Variants in MICAL3 observed in about 807,000 individuals in gnomAD.
MICAL3 encodes [F-actin]-monooxygenase MICAL3.
MICAL3 carries 62 observed loss-of-function variants against 207.4 expected under a neutral mutation model. That is an observed-to-expected ratio of 0.30 (90% confidence interval 0.24 to 0.37). The LOEUF (loss-of-function observed/expected upper bound fraction) is 0.37. Among genes scored for constraint, MICAL3 ranks in the 10% least tolerant of loss-of-function variants. The probability of loss-of-function intolerance (pLI) is 1.00; values close to 1 mark genes in which losing one functional copy is unlikely to be tolerated. For synonymous variants in MICAL3, 1,077 were observed against 1,069.3 expected (o/e 1.01, Z -0.14); for missense variants, 2,368 against 2,635.6 (o/e 0.90, Z 2.22).
intron 1 of MICAL3, among the ~76,000 whole-genome samples, chr22:17,988,453 T>A (rs1166131514): frequency 6.6e-6 from 1 of 152,150 alleles, no homozygotes; most frequent in African/African-American, 2.4e-5. Context: ...ATTTCTGGGT[T>A]TTTTTTGGTT....
chr22:17,878,646 G>A (rs1288595292), intron 16 of MICAL3, among the ~76,000 whole-genome samples: 1 of 152,174 alleles, frequency 6.6e-6, no homozygotes, highest in African/African-American at 2.4e-5. Context: ...TAGCTGCAGA[G>A]CTGTACCCAC....
Position 17,885,864 on chromosome 22 carries a change from C to A in MICAL3, c.2241+14G>T, listed in dbSNP as rs372573522. On this transcript the variant is annotated intron_variant, in intron 16 of 31. Transcript: ENST00000441493. ...TGACCAAATCGGTGTGGGCAGGGCA[C>A]GGGTTGGGTTTACCTGTCTCCGTAT... 6 of 1,613,102 alleles carry A rather than the reference C, an allele frequency of 3.7e-6. No individual in the cohort carries two copies. In the Admixed American group the frequency reaches 6.7e-5, roughly 18 times the overall value.
At chr22:17,811,875 G>A (rs992431670) in intron 27 of MICAL3, among the ~76,000 whole-genome samples, 1 of 152,158 alleles carries the variant, frequency 6.6e-6, no homozygotes, top group Non-Finnish European at 1.5e-5. Flanking sequence ...CTCCCGAGTA[G>A]TCAGGACTAT....
chr22:17,846,912 C>G (rs747868041), intron 19 of MICAL3, among the ~76,000 whole-genome samples: 1 of 152,184 alleles, frequency 6.6e-6, no homozygotes, highest in African/African-American at 2.4e-5. Flanking sequence ...GGCTCTGGGC[C>G]GCACCTCAGG....
chr22:17,810,253 G>C (rs560606034), intron 28 of MICAL3, among the ~76,000 whole-genome samples: 2 of 149,256 alleles, frequency 1.3e-5, no homozygotes, highest in Non-Finnish European at 3.0e-5. Context: ...TAGTAGAGAC[G>C]GGGGTTTCAC....
At chr22:17,976,561 G>GTGTGTATATA (rs1392364468) in intron 1 of MICAL3, among the ~76,000 whole-genome samples, 1 of 80,080 alleles carries the variant, frequency 1.2e-5, no homozygotes, top group African/African-American at 5.8e-5. Flanking sequence ...GTGTGTGTGT[G>GTGTGTATATA]TATATATATA....
chr22:17,892,202 C>T (rs115994154), intron 11 of MICAL3, among the ~76,000 whole-genome samples: 1,956 of 152,312 alleles, frequency 0.013, 48 homozygotes, highest in African/African-American at 0.043. Context: ...CCAGACAGTC[C>T]CCGAACAGAG....
Position 17,793,824 on chromosome 22 carries a change from G to C in MICAL3, c.5651-2523C>G, listed in dbSNP as rs1228416593. On this transcript the variant is annotated intron_variant, in intron 29 of 31. Transcript: ENST00000441493. This position sits in a 1 kb window ranked among gnomAD's most constrained non-coding sequence, Gnocchi z 4.1. ...AAAAGGGACCAAGCAAGGAAGAGGAGGAGACGGAGAAAGACAAAAAAGGAA... is the reference window on the plus strand; with the variant it reads ...AAAAGGGACCAAGCAAGGAAGAGGACGAGACGGAGAAAGACAAAAAAGGAA... The C allele has an allele frequency of 6.6e-6, 1 of 152,390 alleles. No homozygotes were observed. Among genetic ancestry groups the C allele is most frequent in the Admixed American group, 6.6e-5 (1 of 15,254 alleles). 9.4% of individuals were successfully genotyped at this position (152,390 alleles called of 1,614,324 possible).
chr22:17,937,144 C>G (rs1311801899), intron 1 of MICAL3, among the ~76,000 whole-genome samples: 1 of 152,232 alleles, frequency 6.6e-6, no homozygotes, highest in African/African-American at 2.4e-5. Context: ...TCCTGAGTCG[C>G]ACAGCAAGCT....
At chr22:17,952,932 C>T (rs1465994017) in intron 1 of MICAL3, among the ~76,000 whole-genome samples, 1 of 152,164 alleles carries the variant, frequency 6.6e-6, no homozygotes, top group Admixed American at 6.6e-5. Flanking sequence ...ATGTAAAATG[C>T]CTTTTACCGC....
intron 1 of MICAL3, among the ~76,000 whole-genome samples, chr22:18,018,894 T>G (rs887567794): frequency 3.9e-5 from 6 of 152,050 alleles, no homozygotes; most frequent in African/African-American, 1.4e-4. Flanking sequence ...TTCTTTCTTT[T>G]TAAAATGGCC....
chr22:17,976,535 A>ATG (rs148517944), intron 1 of MICAL3, among the ~76,000 whole-genome samples: 1,481 of 96,990 alleles, frequency 0.015, 19 homozygotes, highest in South Asian at 0.022. Flanking sequence ...GTGTATATAT[A>ATG]TGTGTGTGTG....
intron 1 of MICAL3, among the ~76,000 whole-genome samples, chr22:17,968,796 C>T (rs1036373327): frequency 3.9e-5 from 6 of 152,220 alleles, no homozygotes; most frequent in South Asian, 2.1e-4. Context: ...GGGAGTTAGG[C>T]GCTTTTAGAT....
chr22:18,005,541 G>A (rs1020068935), intron 1 of MICAL3: 6 of 152,260 alleles, frequency 3.9e-5, no homozygotes, highest in African/African-American at 9.6e-5. Flanking sequence ...TTTAGGGAGT[G>A]TGGTACAAGG....
chr22:17,817,764 G>T lies in MICAL3; in HGVS notation c.4897C>A (p.Arg1633Ser). The T allele has an allele frequency of 6.3e-7, 1 of 1,593,406 alleles. No individual in the cohort carries two copies. The highest frequency in any genetic ancestry group is 8.5e-7 in the Non-Finnish European group (1 of 1,169,646). Residue 1633 changes from arginine (R) to serine (S), a missense_variant, in exon 26 of 32, where the codon CGC becomes AGC. Around this residue, in one of 4 missense-constraint regions of MICAL3, gnomAD observed 1,770 missense variants for 1,863.2 expected, o/e 0.95. Coordinates refer to ENST00000441493, the MANE Select transcript of MICAL3 (RefSeq NM_015241.3). ...MELASGAPRP[R>S]KASSAPSQGK... The stretch of plus-strand genomic sequence containing the variant: ...TGGGAGGGTGCTGAGGACGCCTTGC[G>T]GGGCCTGGGGGCGCCTGAGGCCAGC...
intron 20 of MICAL3, chr22:17,834,536 G>A: frequency 1.7e-6 from 2 of 1,187,204 alleles, no homozygotes; most frequent in South Asian, 1.4e-5. Flanking sequence ...GGCAACCATG[G>A]GGAGACCCAG....
chr22:17,812,223 T>C (rs2062056288), intron 27 of MICAL3, among the ~76,000 whole-genome samples: 1 of 152,368 alleles, frequency 6.6e-6, no homozygotes, highest in Admixed American at 6.5e-5. Context: ...GCTGCTGAAC[T>C]GCCCCTCTCT....
chr22:17,837,253 T>C (rs957671803), intron 20 of MICAL3, among the ~76,000 whole-genome samples: 3 of 152,254 alleles, frequency 2.0e-5, no homozygotes, highest in African/African-American at 7.2e-5. Context: ...AATCCCCATT[T>C]ATTCATGGCC....
chr22:17,911,688 T>G (rs1214763843), intron 1 of MICAL3, among the ~76,000 whole-genome samples: 2 of 151,794 alleles, frequency 1.3e-5, no homozygotes, highest in Admixed American at 6.6e-5. Flanking sequence ...AAAAATTAGC[T>G]GGGTGTGGTG....
Sources: allele counts gnomAD v4.1 joint callset (sites outside exome capture counted in the v4.1 genomes callset), GRCh38; gene constraint gnomAD v4.1.1; regional missense constraint gnomAD v4.1.1; non-coding constraint Gnocchi (gnomAD v3.1); transcripts MANE v1.5; gene names NCBI Gene and HGNC (gene_info 2026-07-23, HGNC 2026-07-21).